The following EVC variants were observed in gnomAD, a reference collection of about 807,000 sequenced individuals.
The protein encoded by EVC is evC complex member EVC.
EVC carries 116 observed loss-of-function variants against 118.9 expected under a neutral mutation model. The ratio of observed to expected loss-of-function variants is 0.98; its 90% CI spans 0.84 to 1.14. EVC has a LOEUF of 1.14. Ranked by LOEUF, EVC falls within the 50% of genes most tolerant of loss-of-function variation. The pLI is 0.00. For synonymous variants in EVC, 619 were observed against 534.7 expected (o/e 1.16, Z -2.18); for missense variants, 1,401 against 1,246.4 (o/e 1.12, Z -1.87).
chr4:5,711,457 C>G lies in EVC; in HGVS notation c.77C>G (p.Ala26Gly). 3.8e-6 allele frequency: 4 copies of G among 1,040,224 alleles called. No homozygotes were observed. The highest frequency in any genetic ancestry group is 4.6e-6 in the Non-Finnish European group (4 of 868,786). The allele number at this position is 1,040,224 out of a possible 1,614,324, so 64.4% of individuals were successfully genotyped here. Residue 26 changes from alanine to glycine, a missense_variant, in exon 1 of 21, where the codon GCC becomes GGC. Coordinates refer to ENST00000264956, the MANE Select transcript of EVC (RefSeq NM_153717.3). ...CGGGACGCGCTGCGGCCGGCGCCCG[C>G]CCTGCTGGCCCCCGCCGTGCTGCTG... ...LGRDALRPAP[A>G]LLAPAVLLGA...
At chr4:5,806,684 AT>A (rs1235910402) in intron 17 of EVC, among the ~76,000 whole-genome samples, 2 of 152,056 alleles carry the variant, frequency 1.3e-5, no homozygotes, top group Admixed American at 1.3e-4. Context: ...ATACTGATTT[AT>A]TTTCCTTTGG....
At chr4:5,727,760 G>A (rs1726102149) in intron 2 of EVC, among the ~76,000 whole-genome samples, 1 of 151,412 alleles carries the variant, frequency 6.6e-6, no homozygotes, top group South Asian at 2.1e-4. Context: ...TAAGGTGTAA[G>A]GAAGGGATCC....
intron 11 of EVC, among the ~76,000 whole-genome samples, chr4:5,760,847 C>T (rs71597788): frequency 0.3 from 45,509 of 152,090 alleles, 7,067 homozygotes; most frequent in East Asian, 0.5. Flanking sequence ...CCACCGCTCC[C>T]GGCCTGGCCC....
At chr4:5,772,225 A>G (rs1734099743) in intron 11 of EVC, among the ~76,000 whole-genome samples, 2 of 152,100 alleles carry the variant, frequency 1.3e-5, no homozygotes, top group South Asian at 4.1e-4. Context: ...TAGTAAAACT[A>G]CTGGGGTAAA....
chr4:5,817,881 GT>G (rs1717945850), downstream of EVC, among the ~76,000 whole-genome samples: 2 of 152,150 alleles, frequency 1.3e-5, no homozygotes, highest in Admixed American at 6.5e-5. Context: ...TCTGAAAATG[GT>G]TTGGCTTTAC....
chr4:5,804,605 G>C (rs113561429), intron 16 of EVC, 125 bp from the exon 17 acceptor site: 26 of 781,132 alleles, frequency 3.3e-5, no homozygotes, highest in Middle Eastern at 2.3e-4. Context: ...CCCTGTGCTG[G>C]TGGAAGGATA....
At chr4:5,825,785 CA>C in the EVC span, 2 of 869,384 alleles carry the variant, frequency 2.3e-6, no homozygotes, top group Non-Finnish European at 1.8e-6. This position sits in a 1 kb window ranked among gnomAD's most constrained non-coding sequence, Gnocchi z 4.4. Context: ...TGCACACACA[CA>C]CACAACACGC....
In EVC at chr4:5,719,396, T is replaced by A; in HGVS notation, c.300+23T>A. ...GATGTAAGCTTGGTGTTGATGTTTG[T>A]TTGTGGAGGCACATGTGGGAGGTGG... On this transcript the variant is annotated intron_variant, in intron 2 of 20. Coordinates refer to ENST00000264956, the MANE Select transcript of EVC (RefSeq NM_153717.3). The surrounding 1 kb of genome is among the most constrained non-coding windows in gnomAD (Gnocchi z 4.7). The A allele has an allele frequency of 6.2e-7, 1 of 1,614,008 alleles. No individual in the cohort carries two copies. The highest frequency in any genetic ancestry group is 2.2e-5 in the East Asian group (1 of 44,870).
rs1024468607 is a variant in EVC, at chr4:5,766,099, G to T, written c.1563+9737G>T. On this transcript the variant is annotated intron_variant, in intron 11 of 20. Transcript: ENST00000264956. ...CAGGAGCTCTTTTAGGGCAGGCCTG[G>T]TGGTGACAAAATCTCTCAGCATTTG... Among the ~76,000 whole-genome samples the T allele has an allele frequency of 5.6e-4, 77 of 137,210 alleles. 5 individuals carry two copies. Among genetic ancestry groups the T allele is most frequent in the African/African-American group, 2.1e-3 (76 of 35,980 alleles). The allele number at this position is 137,210 out of a possible 152,430, so 90.0% of individuals were successfully genotyped here.
chr4:5,809,664 C>A, intron 19 of EVC, 53 bp downstream of exon 19: 1 of 1,503,840 alleles, frequency 6.6e-7, no homozygotes, highest in Non-Finnish European at 9.2e-7. Context: ...CTGAGAGATA[C>A]GGATTCTAGT....
At chr4:5,740,290 G>C (rs1336731047) in intron 5 of EVC, among the ~76,000 whole-genome samples, 1 of 152,004 alleles carries the variant, frequency 6.6e-6, no homozygotes, top group Non-Finnish European at 1.5e-5. Context: ...GGCCAACATG[G>C]TGAAACCTCG....
At chr4:5,716,326 A>G (rs772150820) in intron 1 of EVC, among the ~76,000 whole-genome samples, 15 of 152,264 alleles carry the variant, frequency 9.9e-5, no homozygotes, top group Non-Finnish European at 7.3e-5. Flanking sequence ...AAAGGGCCAG[A>G]CATCTTGAAG....
At position 5,783,718 on chromosome 4, in the gene EVC, G is replaced by A; in HGVS notation, c.1730G>A (p.Arg577Lys). The A allele has an allele frequency of 1.2e-6, 2 of 1,613,926 alleles. No individual in the cohort carries two copies. The highest frequency in any genetic ancestry group is 1.7e-6 in the Non-Finnish European group (2 of 1,179,874). ...CTGGGGAAGTCAAATCGCTTCCGGA[G>A]GCAGCAGTGGAAACTCTTCCAGGAG... is the stretch of plus-strand genomic sequence containing the variant. ...WQLGKSNRFR[R>K]QQWKLFQELL... The change falls in exon 12 of 21, where the codon AGG (arginine) becomes AAG (lysine). Residue 577 changes from arginine to lysine, a missense_variant. Arg to Lys is a conservative substitution (Grantham distance 26, BLOSUM62 2). Transcript: ENST00000264956.
intron 11 of EVC, among the ~76,000 whole-genome samples, chr4:5,773,045 C>A (rs1353863618): frequency 6.6e-6 from 1 of 152,156 alleles, no homozygotes; most frequent in South Asian, 2.1e-4. Context: ...CTGTGAACTC[C>A]CTCGGGTCTG....
intron 5 of EVC, among the ~76,000 whole-genome samples, chr4:5,739,691 G>A (rs1225468953): frequency 6.6e-6 from 1 of 152,142 alleles, no homozygotes; most frequent in South Asian, 2.1e-4. Context: ...AGTTGCAAAA[G>A]AGATCATATG....
In EVC at chr4:5,767,648, G is replaced by C. The variant is rs185485142; in HGVS notation, c.1563+11286G>C. On this transcript the variant is annotated intron_variant, in intron 11 of 20. Transcript: ENST00000264956. ...TCGGAAAAGCACAGTATGCGGGTGG[G>C]AGTGACCCGATTTTCCAGGTGCCAT... 2.5e-3 allele frequency among the ~76,000 whole-genome samples: 385 copies of C among 152,122 alleles called. 1 individual carries two copies. The highest frequency in any genetic ancestry group is 4.7e-3 in the Non-Finnish European group (320 of 68,006).
At chr4:5,824,821 CT>C in the EVC span, 2 of 985,302 alleles carry the variant, frequency 2.0e-6, no homozygotes, top group Non-Finnish European at 2.4e-6. Flanking sequence ...TCCAGTTCAA[CT>C]TTCTCAACGT....
chr4:5,774,072 A>C (rs1226292460), intron 11 of EVC, among the ~76,000 whole-genome samples: 2 of 151,886 alleles, frequency 1.3e-5, no homozygotes, highest in African/African-American at 4.8e-5. Flanking sequence ...AGTTTGCCAG[A>C]TCACTTGGCA....
intron 20 of EVC, 88 bp from the exon 21 acceptor site, chr4:5,810,865 T>G: frequency 7.8e-7 from 1 of 1,282,542 alleles, no homozygotes. Flanking sequence ...TTGGCTGCAT[T>G]TTCATTTAAT....
Sources: gnomAD v4.1 joint callset for allele counts (sites outside exome capture counted in the v4.1 genomes callset) on GRCh38, gnomAD v4.1.1 for gene constraint, Gnocchi (gnomAD v3.1) non-coding constraint, MANE v1.5 for transcripts, NCBI Gene and HGNC (gene_info 2026-07-23, HGNC 2026-07-21) for gene names.